Variants in RIMS2 observed in about 807,000 individuals in gnomAD.
The protein encoded by RIMS2 is regulating synaptic membrane exocytosis protein 2.
RIMS2 carries 59 observed loss-of-function variants against 174.4 expected under a neutral mutation model. That is an observed-to-expected ratio of 0.34 (90% confidence interval 0.27 to 0.42). The LOEUF is 0.42. RIMS2 is among the 10% of genes least tolerant of loss of function. The pLI is 1.00. For missense variants in RIMS2, 1,620 were observed against 1,666.3 expected (o/e 0.97, Z 0.48); for synonymous variants, 606 against 572.5 (o/e 1.06, Z -0.84).
intron 19 of RIMS2, among the ~76,000 whole-genome samples, chr8:104,137,849 C>A (rs570519722): frequency 3.9e-5 from 6 of 152,114 alleles, no homozygotes; most frequent in African/African-American, 1.4e-4. Flanking sequence ...CTACAGTCAC[C>A]CTGTTGTGCT....
exon 24 of RIMS2, chr8:104,251,849 A>G: frequency 8.5e-7 from 1 of 1,171,180 alleles, no homozygotes; most frequent in Non-Finnish European, 1.2e-6. Flanking sequence ...TGTCACAGCA[A>G]CCAGCGTTAC....
chr8:103,563,651 T>A (rs1359416908), intron 1 of RIMS2, among the ~76,000 whole-genome samples: 1 of 152,188 alleles, frequency 6.6e-6, no homozygotes, highest in Non-Finnish European at 1.5e-5. Context: ...TCACTTCCAC[T>A]TTTTTGTGTA....
chr8:103,832,271 A>G (rs2098830544), intron 3 of RIMS2, among the ~76,000 whole-genome samples: 1 of 152,162 alleles, frequency 6.6e-6, no homozygotes, highest in African/African-American at 2.4e-5. Context: ...AACATTTAAT[A>G]TAATTATTGA....
chr8:103,837,755 C>G (rs1265475520), intron 3 of RIMS2, among the ~76,000 whole-genome samples: 1 of 152,168 alleles, frequency 6.6e-6, no homozygotes, highest in African/African-American at 2.4e-5. Flanking sequence ...TTAATCCAGT[C>G]TATCATTGTT....
At chr8:103,669,514 T>G (rs1317710991) in intron 1 of RIMS2, among the ~76,000 whole-genome samples, 1 of 152,152 alleles carries the variant, frequency 6.6e-6, no homozygotes, top group African/African-American at 2.4e-5. Flanking sequence ...GCAAGTCCCT[T>G]CCACCTATGA....
Position 104,087,023 on chromosome 8 carries a change from T to C in RIMS2, c.3334+72408T>C, listed in dbSNP as rs1053434416. Among the ~76,000 whole-genome samples the C allele has an allele frequency of 3.3e-5, 5 of 151,958 alleles. No individual in the cohort carries two copies. In the South Asian group the frequency reaches 8.3e-4, roughly 25 times the overall value. ...AATCAGAAAACTCCGTAAATTGGAA[T>C]TTTTTTTCCTCAGAAAGCTAGTTGT... On this transcript the variant is annotated intron_variant, in intron 19 of 23. Coordinates refer to ENST00000504942, the Ensembl canonical transcript of RIMS2.
intron 19 of RIMS2, among the ~76,000 whole-genome samples, chr8:104,182,710 T>C (rs1412108733): frequency 6.6e-6 from 1 of 151,780 alleles, no homozygotes; most frequent in Non-Finnish European, 1.5e-5. Flanking sequence ...CAGCAACATT[T>C]CAAGTGCTCA....
chr8:104,148,970 G>A, intron 19 of RIMS2, 122 bp downstream of exon 25: 1 of 1,040,012 alleles, frequency 9.6e-7, no homozygotes, highest in Non-Finnish European at 1.4e-6. Context: ...GAGGGAAAGG[G>A]CATTTTAAAC....
At chr8:103,795,796 A>G (rs911676435) in intron 3 of RIMS2, among the ~76,000 whole-genome samples, 2 of 152,178 alleles carry the variant, frequency 1.3e-5, no homozygotes, top group African/African-American at 2.4e-5. Context: ...TTCAAATATG[A>G]TATTTATTCC....
chr8:103,825,586 C>G (rs1442108595), intron 3 of RIMS2, among the ~76,000 whole-genome samples: 1 of 151,858 alleles, frequency 6.6e-6, no homozygotes, highest in African/African-American at 2.4e-5. Context: ...TCCCGGCCTA[C>G]TCAACATAGT....
chr8:104,018,276 A>G (rs1017830404), intron 19 of RIMS2, among the ~76,000 whole-genome samples: 3 of 152,214 alleles, frequency 2.0e-5, no homozygotes, highest in African/African-American at 7.2e-5. Context: ...AGGTCAAGGC[A>G]GGTCTGTCTG....
chr8:104,200,051 CA>C (rs1389320943), intron 19 of RIMS2, among the ~76,000 whole-genome samples: 1 of 152,096 alleles, frequency 6.6e-6, no homozygotes, highest in Non-Finnish European at 1.5e-5. Flanking sequence ...CATGAGGAAT[CA>C]AATAGCTTTT....
chr8:103,583,999 A>G (rs1008225540), intron 1 of RIMS2, among the ~76,000 whole-genome samples: 2 of 152,204 alleles, frequency 1.3e-5, no homozygotes, highest in East Asian at 3.8e-4. Context: ...TCCCTTTGGC[A>G]TATTTAAACA....
chr8:103,952,660 C>A (rs1287921154), intron 14 of RIMS2, among the ~76,000 whole-genome samples: 1 of 152,116 alleles, frequency 6.6e-6, no homozygotes, highest in East Asian at 1.9e-4. Flanking sequence ...GGGGAGAAAC[C>A]AGTGCAAAAA....
chr8:104,105,035 T>A (rs1045927204), intron 19 of RIMS2, among the ~76,000 whole-genome samples: 2 of 152,110 alleles, frequency 1.3e-5, no homozygotes, highest in Non-Finnish European at 1.5e-5. Context: ...TTATGTAAGT[T>A]TGGGATAATT....
chr8:104,186,043 C>A (rs1438477120), intron 19 of RIMS2, among the ~76,000 whole-genome samples: 1 of 151,232 alleles, frequency 6.6e-6, no homozygotes, highest in African/African-American at 2.4e-5. Context: ...TGGAGTGGAC[C>A]ACTATTCAGC....
chr8:103,733,382 G>A (rs1464934630), intron 2 of RIMS2, among the ~76,000 whole-genome samples: 1 of 152,070 alleles, frequency 6.6e-6, no homozygotes, highest in Non-Finnish European at 1.5e-5. Flanking sequence ...CCTGGGGCTG[G>A]GGGAAGGGGT....
intron 1 of RIMS2, among the ~76,000 whole-genome samples, chr8:103,654,318 G>A (rs1202822492): frequency 6.6e-6 from 1 of 151,808 alleles, no homozygotes; most frequent in Admixed American, 6.6e-5. Context: ...CATTTGATTG[G>A]CATAAACACA....
At chr8:104,065,332 GC>G (rs1385818813) in intron 19 of RIMS2, among the ~76,000 whole-genome samples, 1 of 151,966 alleles carries the variant, frequency 6.6e-6, no homozygotes, top group East Asian at 1.9e-4. Context: ...CTAGTGAACA[GC>G]CCTTCTATTT....
Sources: allele counts gnomAD v4.1 joint callset (sites outside exome capture counted in the v4.1 genomes callset), GRCh38; gene constraint gnomAD v4.1.1; transcripts MANE v1.5; gene names NCBI Gene and HGNC (gene_info 2026-07-23, HGNC 2026-07-21).